The following NRG1 variants were observed in gnomAD, a reference collection of about 807,000 sequenced individuals.
The protein encoded by NRG1 is neuregulin 1.
NRG1 carries 18 observed loss-of-function variants against 63.8 expected under a neutral mutation model. The ratio of observed to expected loss-of-function variants is 0.28; its 90% CI spans 0.19 to 0.42. The LOEUF (loss-of-function observed/expected upper bound fraction) is 0.42. Ranked by LOEUF, NRG1 falls within the 10% of genes least tolerant of loss-of-function variation. The probability of loss-of-function intolerance (pLI) is 1.00; values close to 1 mark genes in which losing one functional copy is unlikely to be tolerated. For synonymous variants in NRG1, 302 were observed against 301.3 expected (o/e 1.00, Z -0.02); for missense variants, 762 against 814.7 (o/e 0.94, Z 0.79).
intron 3 of NRG1, among the ~76,000 whole-genome samples, chr8:32,612,621 G>A (rs893399725): frequency 6.6e-6 from 1 of 151,842 alleles, no homozygotes; most frequent in East Asian, 1.9e-4. Flanking sequence ...GAAACATTAT[G>A]GTTAACCTTC....
chr8:32,744,021 T>A, intron 7 of NRG1, among the ~76,000 whole-genome samples: 1 of 152,066 alleles, frequency 6.6e-6, no homozygotes, highest in East Asian at 1.9e-4. Flanking sequence ...TGTCAACCAC[T>A]GATTTAGATT....
At chr8:32,323,851 T>C (rs1801696745) in intron 1 of NRG1, among the ~76,000 whole-genome samples, 1 of 151,948 alleles carries the variant, frequency 6.6e-6, no homozygotes, top group African/African-American at 2.4e-5. Context: ...TGAGCCCACA[T>C]GGTGGGGCTT....
At chr8:31,936,790 C>T (rs191469985) in intron 1 of NRG1, among the ~76,000 whole-genome samples, 1 of 152,120 alleles carries the variant, frequency 6.6e-6, no homozygotes, top group East Asian at 1.9e-4. Flanking sequence ...TGGATAAATA[C>T]AAATAAGCAC....
intron 9 of NRG1, among the ~76,000 whole-genome samples, chr8:32,757,387 A>G (rs996705327): frequency 1.3e-5 from 2 of 152,164 alleles, no homozygotes; most frequent in Non-Finnish European, 2.9e-5. Flanking sequence ...TAATACACAA[A>G]GCTTGAAGCT....
rs559005988 is a variant in NRG1, at chr8:32,644,583, G to A, written c.502+27698G>A. On this transcript the variant is annotated intron_variant, in intron 5 of 11. Transcript: ENST00000356819. ...AAAAAAGCAATGTTATAGGAAGCTG[G>A]CTGTCTGCAGATTAGTCTTAGCACC... is the stretch of plus-strand genomic sequence containing the variant. 8.0e-4 allele frequency among the ~76,000 whole-genome samples: 122 copies of A among 152,244 alleles called. 2 individuals are homozygous for A. Among genetic ancestry groups the A allele is most frequent in the African/African-American group, 2.8e-3 (116 of 41,558 alleles).
intron 1 of NRG1, among the ~76,000 whole-genome samples, chr8:32,339,296 C>G (rs925927638): frequency 6.6e-6 from 1 of 152,088 alleles, no homozygotes; most frequent in Non-Finnish European, 1.5e-5. Context: ...TAAAAACTTA[C>G]CTATTTCATC....
chr8:32,275,715 C>G (rs75309993), intron 1 of NRG1, among the ~76,000 whole-genome samples: 1 of 152,072 alleles, frequency 6.6e-6, no homozygotes, highest in Non-Finnish European at 1.5e-5. Context: ...CCAGTGTCTG[C>G]GCAAATCCCC....
intron 1 of NRG1, among the ~76,000 whole-genome samples, chr8:32,495,591 C>A (rs948083202): frequency 6.6e-6 from 1 of 151,976 alleles, no homozygotes; most frequent in African/African-American, 2.4e-5. Flanking sequence ...CCCTCCCGAG[C>A]AGCTGGGATT....
chr8:32,372,249 C>T (rs1416372610), intron 1 of NRG1, among the ~76,000 whole-genome samples: 1 of 151,998 alleles, frequency 6.6e-6, no homozygotes, highest in East Asian at 1.9e-4. Context: ...CTCAGCCTCC[C>T]AAAGTGCTGG....
chr8:32,359,150 G>A (rs548561123), intron 1 of NRG1, among the ~76,000 whole-genome samples: 84 of 152,130 alleles, frequency 5.5e-4, no homozygotes, highest in African/African-American at 1.9e-3. Context: ...TCTCAGTTTC[G>A]TTATTTGTAA....
chr8:32,688,875 C>T (rs1214612544), intron 5 of NRG1, among the ~76,000 whole-genome samples: 1 of 152,160 alleles, frequency 6.6e-6, no homozygotes, highest in Non-Finnish European at 1.5e-5. Flanking sequence ...GCTGCTGGTT[C>T]ATCTATTAGG....
At chr8:32,602,713 G>A (rs1350889587) in intron 2 of NRG1, among the ~76,000 whole-genome samples, 3 of 152,070 alleles carry the variant, frequency 2.0e-5, no homozygotes, top group African/African-American at 7.2e-5. Flanking sequence ...ATTGCTAGTG[G>A]TTTCATGGTT....
intron 5 of NRG1, among the ~76,000 whole-genome samples, chr8:32,690,937 C>CTGTGTGTGTGTG (rs1301266763): frequency 9.0e-6 from 1 of 111,226 alleles, no homozygotes; most frequent in African/African-American, 3.6e-5. Context: ...GTTTCCCTCT[C>CTGTGTGTGTGTG]AGTGTGTGTG....
At chr8:32,036,803 GA>G (rs1311720336) in intron 1 of NRG1, among the ~76,000 whole-genome samples, 1 of 152,106 alleles carries the variant, frequency 6.6e-6, no homozygotes, top group African/African-American at 2.4e-5. Flanking sequence ...TGTCCTCTCT[GA>G]GCTGGTGATT....
At chr8:32,748,952 A>G (rs1331286194) in intron 7 of NRG1, 2 of 224,946 alleles carry the variant, frequency 8.9e-6, no homozygotes, top group Non-Finnish European at 1.8e-5. Flanking sequence ...GGAAGATTAG[A>G]AGAAGTAAAA....
intron 1 of NRG1, among the ~76,000 whole-genome samples, chr8:32,132,021 A>G (rs2131634990): frequency 6.6e-6 from 1 of 152,186 alleles, no homozygotes; most frequent in African/African-American, 2.4e-5. Context: ...GATTCAAATT[A>G]AATTCCTCTT....
intron 1 of NRG1, among the ~76,000 whole-genome samples, chr8:31,746,058 G>A (rs1195511683): frequency 6.6e-6 from 1 of 151,724 alleles, no homozygotes; most frequent in African/African-American, 2.4e-5. Flanking sequence ...AGAATCAAGC[G>A]TGGTTGAATC....
In NRG1 at chr8:32,649,929, A is replaced by G. The variant is rs1461574291; in HGVS notation, c.502+33044A>G. Among the ~76,000 whole-genome samples the G allele has an allele frequency of 2.6e-5, 4 of 152,344 alleles. No individual in the cohort carries two copies. The East Asian group carries it at 7.7e-4, about 29-fold the overall frequency. On this transcript the variant is annotated intron_variant, in intron 5 of 11. Transcript: ENST00000356819. The stretch of plus-strand genomic sequence containing the variant: ...AGTACAGATCCTGCAAAAAGAAGCG[A>G]AATTCACCAGGAGGACAAGGTTACT...
At chr8:31,834,543 C>A (rs971673442) in intron 1 of NRG1, among the ~76,000 whole-genome samples, 4 of 152,018 alleles carry the variant, frequency 2.6e-5, no homozygotes, top group Non-Finnish European at 5.9e-5. Context: ...CTTGTCTCTA[C>A]TAAAATAATT....
Sources: allele counts gnomAD v4.1 joint callset (sites outside exome capture counted in the v4.1 genomes callset), GRCh38; gene constraint gnomAD v4.1.1; transcripts MANE v1.5; gene names NCBI Gene and HGNC (gene_info 2026-07-23, HGNC 2026-07-21).